The following ATP11B variants were observed in gnomAD, a reference collection of about 807,000 sequenced individuals.
ATP11B encodes the protein phospholipid-transporting ATPase IF.
In ATP11B, 81 loss-of-function variants were observed where a neutral mutation model predicts 157.8. The observed-to-expected ratio is 0.51, with a 90% CI of 0.43 to 0.62. The LOEUF (loss-of-function observed/expected upper bound fraction) is 0.62, where lower values mean the gene tolerates loss of function less well. Ranked by LOEUF, ATP11B falls within the 20% of genes least tolerant of loss-of-function variation. The pLI is 0.00. For synonymous variants in ATP11B, 451 were observed against 469.4 expected, an observed-to-expected ratio of 0.96 and a Z score of 0.51; for missense variants, 1,165 against 1,402.2, an observed-to-expected ratio of 0.83 and a Z score of 2.70.
intron 9 of ATP11B, among the ~76,000 whole-genome samples, chr3:182,847,778 C>A (rs1206424304): frequency 6.6e-6 from 1 of 152,146 alleles, no homozygotes; most frequent in African/African-American, 2.4e-5. Flanking sequence ...TTGAGACTCA[C>A]AGAAATTACT....
intron 1 of ATP11B, among the ~76,000 whole-genome samples, chr3:182,811,297 A>T (rs1716650608): frequency 6.6e-6 from 1 of 152,218 alleles, no homozygotes; most frequent in Non-Finnish European, 1.5e-5. Context: ...TCCATATAAA[A>T]TTTTTTTGTT....
intron 1 of ATP11B, among the ~76,000 whole-genome samples, chr3:182,813,290 C>G (rs926347610): frequency 3.3e-5 from 5 of 152,190 alleles, no homozygotes; most frequent in Admixed American, 1.3e-4. Context: ...GAGAAACTGC[C>G]ATACCATTTT....
intron 25 of ATP11B, among the ~76,000 whole-genome samples, chr3:182,890,026 C>T (rs578061579): frequency 6.6e-5 from 10 of 152,294 alleles, no homozygotes; most frequent in Non-Finnish European, 1.3e-4. Context: ...CTAGGAAATG[C>T]TACCACATTC....
chr3:182,865,527 T>G lies in ATP11B; in HGVS notation c.1272T>G (p.Ile424Met), dbSNP rs370369846. Residue 424 changes from isoleucine (I) to methionine (M), a missense_variant, in exon 13 of 30, where the codon ATT becomes ATG. By Grantham distance (10) the Ile-to-Met change is conservative. This residue lies in a region of ATP11B where 737 missense variants were observed against 930.5 expected (regional missense o/e 0.79). Transcript: ENST00000323116. Reference sequence around the variant, plus strand: ...AGATGCAGTTTCGGGAATGTTCAATTAATGGCATGAAATACCAAGAAATTA... The same window carrying G: ...AGATGCAGTTTCGGGAATGTTCAATGAATGGCATGAAATACCAAGAAATTA... ...ENEMQFRECS[I>M]NGMKYQEING... is the part of the protein sequence containing the mutation. 1 of 1,613,816 alleles carries G rather than the reference T, an allele frequency of 6.2e-7. No homozygotes were observed. Among genetic ancestry groups the G allele is most frequent in the Non-Finnish European group, 8.5e-7 (1 of 1,179,818 alleles).
rs1463900759 is a variant in ATP11B, at chr3:182,858,043, T to TA, written c.1002+16dup. 1.3e-6 allele frequency: 2 copies of TA among 1,598,518 alleles called. No individual in the cohort carries two copies. The highest frequency in any genetic ancestry group is 2.7e-5 in the African/African-American group (2 of 74,652). On this transcript the variant is annotated intron_variant, in intron 11 of 29. Transcript: ENST00000323116. ...ATAGCAGTAAGGTATTTTATGGTGT[T>TA]ATTGACTGTGTCATAAAGGAAACTA...
intron 28 of ATP11B, among the ~76,000 whole-genome samples, chr3:182,899,481 C>T (rs1271741931): frequency 6.6e-6 from 1 of 151,880 alleles, no homozygotes; most frequent in African/African-American, 2.4e-5. Flanking sequence ...ATATTATTTT[C>T]ACCAAAAAAG....
chr3:182,867,551 G>A (rs985941444), intron 15 of ATP11B, 107 bp downstream of exon 15: 11 of 306,382 alleles, frequency 3.6e-5, no homozygotes, highest in Middle Eastern at 1.5e-3. Context: ...TATATTTTCT[G>A]TTTTTCTACA....
intron 28 of ATP11B, chr3:182,908,506 G>A (rs373313461): frequency 1.1e-4 from 17 of 152,064 alleles, no homozygotes; most frequent in African/African-American, 3.6e-4. Flanking sequence ...ATATTCTTAG[G>A]TATGTAATAC....
At chr3:182,793,879 G>C in intron 1 of ATP11B, 93 bp downstream of exon 1, 1 of 888,592 alleles carries the variant, frequency 1.1e-6, no homozygotes, top group Non-Finnish European at 1.5e-6. Context: ...GCGGAGCCGG[G>C]AGGCCAGGGC....
chr3:182,864,827 C>G (rs1339544228), intron 12 of ATP11B, among the ~76,000 whole-genome samples: 2 of 151,972 alleles, frequency 1.3e-5, no homozygotes, highest in East Asian at 3.9e-4. Flanking sequence ...CATGGACATA[C>G]TTTCTTTTAA....
chr3:182,794,430 C>G (rs905535980), intron 1 of ATP11B, among the ~76,000 whole-genome samples: 2 of 152,168 alleles, frequency 1.3e-5, no homozygotes, highest in African/African-American at 4.8e-5. Flanking sequence ...ACGATAGTTA[C>G]GAACGATACG....
chr3:182,895,376 A>G (rs6772909), intron 25 of ATP11B, among the ~76,000 whole-genome samples: 43,842 of 152,016 alleles, frequency 0.29, 6,779 homozygotes, highest in East Asian at 0.56. Context: ...AATCATAACT[A>G]TTATTTACTG....
At chr3:182,837,018 T>G in intron 6 of ATP11B, 53 bp from the exon 7 acceptor site, 1 of 1,306,902 alleles carries the variant, frequency 7.7e-7, no homozygotes, top group Non-Finnish European at 1.1e-6. Context: ...TAACTGATAT[T>G]GAAGGTCGCA....
chr3:182,836,532 T>C (rs1007733983), intron 6 of ATP11B, 62 bp downstream of exon 6: 3 of 1,596,162 alleles, frequency 1.9e-6, no homozygotes, highest in Non-Finnish European at 2.6e-6. Flanking sequence ...ATTATAATTA[T>C]ACTTAACTTT....
chr3:182,827,608 G>A (rs1717811578), intron 2 of ATP11B, among the ~76,000 whole-genome samples: 1 of 151,572 alleles, frequency 6.6e-6, no homozygotes, highest in African/African-American at 2.4e-5. Flanking sequence ...GGTTATCGCG[G>A]CGATCACTTA....
intron 3 of ATP11B, among the ~76,000 whole-genome samples, chr3:182,828,791 A>G (rs184043325): frequency 3.3e-5 from 5 of 151,890 alleles, no homozygotes; most frequent in Admixed American, 2.6e-4. Context: ...TTATATATGT[A>G]TATAAAATCA....
At chr3:182,832,520 A>T (rs947642805) in intron 4 of ATP11B, among the ~76,000 whole-genome samples, 3 of 152,208 alleles carry the variant, frequency 2.0e-5, no homozygotes, top group African/African-American at 7.2e-5. Context: ...CAAATTTTGG[A>T]AAAACTGTAA....
chr3:182,838,620 T>G (rs918897042), intron 7 of ATP11B, among the ~76,000 whole-genome samples: 5 of 152,096 alleles, frequency 3.3e-5, no homozygotes, highest in Non-Finnish European at 7.4e-5. Context: ...ATTCATTCAT[T>G]TAACAAATTA....
intron 17 of ATP11B, 92 bp downstream of exon 17, chr3:182,869,423 G>A (rs1245727417): frequency 2.2e-6 from 2 of 893,090 alleles, no homozygotes; most frequent in Admixed American, 3.0e-5. Context: ...CAAAAATTGT[G>A]GACATTCTGC....
Sources: gnomAD v4.1 joint callset for allele counts (sites outside exome capture counted in the v4.1 genomes callset) on GRCh38, gnomAD v4.1.1 for gene constraint, gnomAD v4.1.1 regional missense constraint, MANE v1.5 for transcripts, NCBI Gene and HGNC (gene_info 2026-07-23, HGNC 2026-07-21) for gene names.